Variants in ADAM18 observed in about 807,000 individuals in gnomAD.
The protein encoded by ADAM18 is disintegrin and metalloproteinase domain-containing protein 18.
A neutral mutation model predicts 94.4 loss-of-function variants in ADAM18; 117 were observed. That is an observed-to-expected ratio of 1.24 (90% confidence interval 1.07 to 1.45). The LOEUF is 1.45. ADAM18 is among the 40% of genes most tolerant of loss of function. The pLI, the probability that ADAM18 is intolerant of heterozygous loss-of-function variation, is 0.00. For missense variants in ADAM18, 936 were observed against 880.0 expected (o/e 1.06, Z -0.81); for synonymous variants, 327 against 291.6 (o/e 1.12, Z -1.24).
intron 18 of ADAM18, among the ~76,000 whole-genome samples, chr8:39,720,591 A>G (rs1345690663): frequency 1.3e-5 from 2 of 151,544 alleles, no homozygotes; most frequent in Admixed American, 1.3e-4. Context: ...AACACTTTAT[A>G]TTAAATGAAA....
chr8:39,584,982 C>T (rs1818355905), intron 1 of ADAM18, among the ~76,000 whole-genome samples: 1 of 152,060 alleles, frequency 6.6e-6, no homozygotes. Context: ...CTGCCTTCAG[C>T]GAACTCCTCA....
At chr8:39,676,264 A>T (rs1821298268) in intron 14 of ADAM18, among the ~76,000 whole-genome samples, 1 of 152,206 alleles carries the variant, frequency 6.6e-6, no homozygotes, top group Non-Finnish European at 1.5e-5. Context: ...GGTGGAGTCT[A>T]GAGGCAGTAG....
chr8:39,606,384 A>G, intron 3 of ADAM18, 22 bp downstream of exon 3: 1 of 1,469,630 alleles, frequency 6.8e-7, no homozygotes, highest in Non-Finnish European at 9.3e-7. Flanking sequence ...TTTTTTTTTC[A>G]TTAAGGAAAA....
intron 19 of ADAM18, among the ~76,000 whole-genome samples, chr8:39,726,256 CT>C (rs1428341013): frequency 8.9e-6 from 1 of 112,470 alleles, no homozygotes; most frequent in African/African-American, 3.7e-5. Flanking sequence ...TGTATGAGAT[CT>C]ACACACACAC....
intron 11 of ADAM18, among the ~76,000 whole-genome samples, chr8:39,647,976 CTCTT>C (rs1461578435): frequency 3.9e-5 from 6 of 152,116 alleles, no homozygotes; most frequent in African/African-American, 4.8e-5. Context: ...AGTCTGATCT[CTCTT>C]TCTTTTCCCT....
chr8:39,598,176 C>T (rs1444826095), intron 2 of ADAM18, among the ~76,000 whole-genome samples: 2 of 151,944 alleles, frequency 1.3e-5, no homozygotes, highest in Non-Finnish European at 2.9e-5. Context: ...TTCATCAATC[C>T]TCTCAGAATT....
rs1820446223 is a variant in ADAM18 at position 39,648,520 on chromosome 8, A to T, written c.1223A>T (p.Asn408Ile). ...TCCAATGAAGAATGTGACTGTGGTAATAAAAATGTGAGTAACAAAGATTGA... is the reference window on the plus strand; with the variant it reads ...TCCAATGAAGAATGTGACTGTGGTATTAAAAATGTGAGTAACAAAGATTGA... ...LESNEECDCG[N>I]KNECQFKKCC... The change falls in exon 12 of 20, where the codon AAT becomes ATT. Residue 408 changes from asparagine to isoleucine, a missense_variant. Physicochemically the swap from Asn to Ile is moderately radical, Grantham distance 149. Coordinates refer to ENST00000265707, the MANE Select transcript of ADAM18 (RefSeq NM_014237.3). The T allele has an allele frequency of 1.3e-6, 2 of 1,594,544 alleles. No individual in the cohort carries two copies. The highest frequency in any genetic ancestry group is 2.7e-5 in the African/African-American group (2 of 74,044).
chr8:39,697,592 A>G (rs1563310936), intron 17 of ADAM18, among the ~76,000 whole-genome samples: 1 of 151,754 alleles, frequency 6.6e-6, no homozygotes, highest in Non-Finnish European at 1.5e-5. Flanking sequence ...ACATTTATTT[A>G]TTCTTGCTTA....
chr8:39,667,262 C>T (rs977109624), intron 13 of ADAM18, among the ~76,000 whole-genome samples: 3 of 151,526 alleles, frequency 2.0e-5, no homozygotes, highest in South Asian at 2.1e-4. Context: ...ATTAGCCAGG[C>T]GTGGTGGCAT....
At chr8:39,618,198 G>A (rs1333390766) in intron 6 of ADAM18, among the ~76,000 whole-genome samples, 3 of 152,136 alleles carry the variant, frequency 2.0e-5, no homozygotes, top group African/African-American at 7.2e-5. Flanking sequence ...GTTCCCAGGT[G>A]GATCGGCAGG....
In ADAM18 at chr8:39,700,581, C is replaced by A. The variant is rs556730339; in HGVS notation, c.1903-6209C>A. ...AAAATTTAATAAAAATAAGTTATCCCAACCTCTTTTTATTTAACTAATTGG... is the reference window on the plus strand; with the variant it reads ...AAAATTTAATAAAAATAAGTTATCCAAACCTCTTTTTATTTAACTAATTGG... On this transcript the variant is annotated intron_variant, in intron 17 of 19. Coordinates refer to ENST00000265707, the MANE Select transcript of ADAM18 (RefSeq NM_014237.3). Among the ~76,000 whole-genome samples, 21 of 151,972 alleles carry A rather than the reference C, an allele frequency of 1.4e-4. No individual in the cohort carries two copies. In the South Asian group the frequency reaches 4.4e-3, roughly 32 times the overall value.
chr8:39,711,843 C>G (rs1266749287), intron 18 of ADAM18, among the ~76,000 whole-genome samples: 2 of 151,642 alleles, frequency 1.3e-5, no homozygotes, highest in Admixed American at 1.3e-4. Flanking sequence ...GAGAGAAGGA[C>G]TATTTGAAGA....
In ADAM18 at chr8:39,662,905, G is replaced by A. The variant is rs140343365; in HGVS notation, c.1231-890G>A. Among the ~76,000 whole-genome samples, 917 of 152,270 alleles carry A rather than the reference G, an allele frequency of 6.0e-3. 5 individuals carry two copies. The highest frequency in any genetic ancestry group is 0.021 in the African/African-American group (869 of 41,566). ...CTCCCAAAGTGCTGGGATTACAGGC[G>A]TGAGCCACTGCACCCAGCCCCTATT... On this transcript the variant is annotated intron_variant, in intron 12 of 19. Coordinates refer to ENST00000265707, the MANE Select transcript of ADAM18 (RefSeq NM_014237.3).
At chr8:39,686,315 C>T (rs1821604531) in intron 16 of ADAM18, among the ~76,000 whole-genome samples, 1 of 152,152 alleles carries the variant, frequency 6.6e-6, no homozygotes, top group Admixed American at 6.5e-5. Flanking sequence ...AAGGAACGTA[C>T]TGCTTAACAG....
chr8:39,645,879 G>A (rs1162622005), intron 11 of ADAM18, among the ~76,000 whole-genome samples: 1 of 152,132 alleles, frequency 6.6e-6, no homozygotes, highest in African/African-American at 2.4e-5. Flanking sequence ...CTAATTTTGT[G>A]TGAAGAGATT....
rs766911293 is a variant in ADAM18 at position 39,706,803 on chromosome 8, T to G, written c.1916T>G (p.Phe639Cys). ...KCKGKGICNN[F>C]GNCQCFPGHR... ...TTTCTGTTTCAGATATGTAATAATT[T>G]TGGTAATTGTCAATGCTTCCCTGGA... is the stretch of plus-strand genomic sequence containing the variant. Residue 639 changes from phenylalanine to cysteine, a missense_variant, in exon 18 of 20, where the codon TTT becomes TGT. Coordinates refer to ENST00000265707, the MANE Select transcript of ADAM18 (RefSeq NM_014237.3). The G allele has an allele frequency of 6.3e-7, 1 of 1,598,942 alleles. No individual in the cohort carries two copies. Among genetic ancestry groups the G allele is most frequent in the Non-Finnish European group, 8.6e-7 (1 of 1,167,816 alleles).
Position 39,690,460 on chromosome 8 carries a change from G to A in ADAM18, c.1822-2140G>A, listed in dbSNP as rs189888965. On this transcript the variant is annotated intron_variant, in intron 16 of 19. Transcript: ENST00000265707. ...GGTGCTACAGTGGGTGGTGCTGCAG[G>A]TAGGAGGCCTAATTTGGACAATTTT... 4.6e-5 allele frequency among the ~76,000 whole-genome samples: 7 copies of A among 152,218 alleles called. No individual in the cohort carries two copies. In the East Asian group the frequency reaches 5.8e-4, roughly 13 times the overall value.
At chr8:39,665,088 T>C (rs1321883950) in intron 13 of ADAM18, among the ~76,000 whole-genome samples, 1 of 152,198 alleles carries the variant, frequency 6.6e-6, no homozygotes, top group Non-Finnish European at 1.5e-5. Flanking sequence ...TGCCTCTTTA[T>C]ACTCAGTCCA....
At chr8:39,707,076 A>C (rs1822261759) in intron 18 of ADAM18, among the ~76,000 whole-genome samples, 172 bp downstream of exon 18, 1 of 152,218 alleles carries the variant, frequency 6.6e-6, no homozygotes, top group Non-Finnish European at 1.5e-5. Flanking sequence ...TGTAGATAGC[A>C]CCAAGCTCTA....
Sources: gnomAD v4.1 joint callset for allele counts (sites outside exome capture counted in the v4.1 genomes callset) on GRCh38, gnomAD v4.1.1 for gene constraint, MANE v1.5 for transcripts, NCBI Gene and HGNC (gene_info 2026-07-23, HGNC 2026-07-21) for gene names.